CDAN1: variants seen among roughly 807,000 people sequenced by gnomAD.
CDAN1 encodes codanin-1.
Under a neutral mutation model 139.8 loss-of-function variants are expected in CDAN1, and 107 were observed. The observed-to-expected ratio is 0.77, with a 90% CI of 0.65 to 0.90. The LOEUF is 0.90. Ranked by LOEUF, CDAN1 falls within the 40% of genes least tolerant of loss-of-function variation. The pLI is 0.00. For missense variants in CDAN1, 1,667 were observed against 1,575.7 expected, an observed-to-expected ratio of 1.06 and a Z score of -0.98; for synonymous variants, 776 against 660.6, an observed-to-expected ratio of 1.17 and a Z score of -2.68.
intron 11 of CDAN1, 116 bp downstream of exon 11, chr15:42,731,504 G>T: frequency 7.1e-7 from 1 of 1,398,888 alleles, no homozygotes; most frequent in Non-Finnish European, 1.0e-6. Context: ...CCAGCAAGTT[G>T]GAGCTGGAAG....
At chr15:42,736,846 G>C (rs932933088) in intron 1 of CDAN1, 66 bp from the exon 2 acceptor site, 2 of 1,449,614 alleles carry the variant, frequency 1.4e-6, no homozygotes, top group African/African-American at 1.5e-5. Flanking sequence ...GTGAGCAGCC[G>C]GGGCCGTAGG....
intron 9 of CDAN1, among the ~76,000 whole-genome samples, chr15:42,732,785 G>A (rs2061631215): frequency 1.3e-5 from 2 of 149,482 alleles, no homozygotes; most frequent in Admixed American, 6.6e-5. Context: ...AGAAGATGGA[G>A]GCTGGATGTG....
chr15:42,729,447 C>G, intron 17 of CDAN1, 85 bp from the exon 18 acceptor site: 2 of 1,602,398 alleles, frequency 1.2e-6, no homozygotes, highest in Non-Finnish European at 8.6e-7. Context: ...AGTCAAGAGG[C>G]TCAGATACCC....
In CDAN1 at chr15:42,736,302, C is replaced by T; in HGVS notation, c.569G>A (p.Gly190Glu). The change falls in exon 2 of 28, where the codon GGG (glycine) becomes GAG (glutamate). Residue 190 changes from glycine (G) to glutamate (E), a missense_variant and splice_region_variant. Gly to Glu is a moderately conservative substitution (Grantham distance 98). This residue lies in a region of CDAN1 where 487 missense variants were observed against 422.2 expected (regional missense o/e 1.15). Transcript: ENST00000356231. ...CTCCTGCATGAGAGCTGAGTCTCAC[C>T]CTGTAGGGCCGGGGGGAACCGAGCC... ...PVGSVPPGPT[G>E]TKPSRRINPT... The T allele has an allele frequency of 6.2e-7, 1 of 1,613,596 alleles. No individual in the cohort carries two copies. The highest frequency in any genetic ancestry group is 8.5e-7 in the Non-Finnish European group (1 of 1,179,950).
At chr15:42,728,918 T>G in intron 19 of CDAN1, 105 bp downstream of exon 19, 1 of 1,582,112 alleles carries the variant, frequency 6.3e-7, no homozygotes, top group Non-Finnish European at 8.7e-7. Context: ...GTCAGCCATT[T>G]CAGCCCCACA....
At chr15:42,730,311 T>A (rs1351549894) in intron 14 of CDAN1, 96 bp from the exon 15 acceptor site, 3 of 1,176,252 alleles carry the variant, frequency 2.6e-6, no homozygotes, top group Non-Finnish European at 2.5e-6. Context: ...AAAGCAGAAC[T>A]AAAAGGGACT....
At chr15:42,730,022 T>C in intron 15 of CDAN1, 106 bp downstream of exon 15, 2 of 1,286,558 alleles carry the variant, frequency 1.6e-6, no homozygotes, top group Non-Finnish European at 2.2e-6. Context: ...AGGCCTTTCC[T>C]GAACCTTCGT....
intron 27 of CDAN1, chr15:42,724,891 C>G: frequency 1.6e-6 from 1 of 610,454 alleles, no homozygotes; most frequent in Non-Finnish European, 2.9e-6. Context: ...CCGTTAAAAT[C>G]CAGGTTATTC....
intron 23 of CDAN1, 120 bp from the exon 24 acceptor site, chr15:42,726,537 G>A: frequency 1.3e-6 from 1 of 767,956 alleles, no homozygotes; most frequent in Non-Finnish European, 2.2e-6. Context: ...GGGATATGGT[G>A]AGTAAAGCCA....
chr15:42,736,055 T>G lies in CDAN1; in HGVS notation c.593A>C (p.Asn198Thr), dbSNP rs1386666828. 1.2e-6 allele frequency: 2 copies of G among 1,614,006 alleles called. No homozygotes were observed. Among genetic ancestry groups the G allele is most frequent in the African/African-American group, 2.7e-5 (2 of 74,892 alleles). The change falls in exon 3 of 28, where the codon AAC becomes ACC. Residue 198 changes from asparagine to threonine, a missense_variant. Coordinates refer to ENST00000356231, the MANE Select transcript of CDAN1 (RefSeq NM_138477.4). ...PTGTKPSRRI[N>T]PTPVSEERSL... is the part of the protein sequence containing the mutation. ...CCGCTCTTCGCTCACCGGAGTTGGG[T>G]TGATCCTGCGAGAAGGCTTCGTCCT...
intron 11 of CDAN1, 134 bp downstream of exon 11, chr15:42,731,486 C>T: frequency 7.1e-7 from 1 of 1,399,420 alleles, no homozygotes; most frequent in Non-Finnish European, 1.0e-6. Context: ...ATGAGAAGTG[C>T]AATGAAGCCA....
chr15:42,727,442 C>A (rs1232971455), intron 23 of CDAN1, among the ~76,000 whole-genome samples, 179 bp downstream of exon 23: 2 of 152,206 alleles, frequency 1.3e-5, no homozygotes, highest in African/African-American at 4.8e-5. Context: ...TTAGGAAAAC[C>A]ATTCAATTCA....
chr15:42,736,917 G>C (rs1002844968), intron 1 of CDAN1, 96 bp downstream of exon 1: 10 of 1,474,924 alleles, frequency 6.8e-6, no homozygotes, highest in Admixed American at 4.4e-5. Context: ...CGGCCCGGCT[G>C]GCAGCCAGGC....
chr15:42,734,157 T>A, intron 7 of CDAN1, 69 bp downstream of exon 7: 1 of 1,611,976 alleles, frequency 6.2e-7, no homozygotes, highest in Non-Finnish European at 8.5e-7. Context: ...GTCAGCAGGG[T>A]TGCCTGAATT....
At position 42,735,384 on chromosome 15, in the gene CDAN1, T is replaced by TA; in HGVS notation, c.944-11dup. ...TTTGGTACCAGGTTCTCTAGATAGA[T>TA]ACAAAAAGAAAGCCCATGGTATGGG... On this transcript the variant is annotated splice_polypyrimidine_tract_variant and intron_variant, in intron 4 of 27. Coordinates refer to ENST00000356231, the MANE Select transcript of CDAN1 (RefSeq NM_138477.4). The TA allele has an allele frequency of 6.3e-7, 1 of 1,598,398 alleles. No homozygotes were observed. Among genetic ancestry groups the TA allele is most frequent in the Non-Finnish European group, 8.5e-7 (1 of 1,171,332 alleles).
At chr15:42,727,542 T>C in intron 23 of CDAN1, 79 bp downstream of exon 23, 3 of 1,320,620 alleles carry the variant, frequency 2.3e-6, no homozygotes, top group Non-Finnish European at 3.1e-6. Context: ...ATCCTGGAGC[T>C]GATGTGAGAA....
rs764206484 is a variant in CDAN1, at chr15:42,730,730, T to C, written c.2042A>G (p.Gln681Arg). The C allele has an allele frequency of 1.2e-6, 2 of 1,612,734 alleles. No individual in the cohort carries two copies. The highest frequency in any genetic ancestry group is 1.7e-6 in the Non-Finnish European group (2 of 1,179,400). ...CGCCCGGCGGGCCTGCAGCCCTCGCTGCAGCAGAGTCCGCACATCCAGGAC... is the reference window on the plus strand; with the variant it reads ...CGCCCGGCGGGCCTGCAGCCCTCGCCGCAGCAGAGTCCGCACATCCAGGAC... ...PPVLDVRTLL[Q>R]RGLQARRAVL... Residue 681 changes from glutamine to arginine, a missense_variant, in exon 14 of 28, where the codon CAG becomes CGG. Physicochemically the swap from Gln to Arg is conservative, Grantham distance 43. Coordinates refer to ENST00000356231, the MANE Select transcript of CDAN1 (RefSeq NM_138477.4).
At position 42,728,643 on chromosome 15, in the gene CDAN1, G is replaced by A. The variant is rs750563812; in HGVS notation, c.2804+9C>T. The stretch of plus-strand genomic sequence containing the variant: ...AGGAGAGTGGATCAAATGGACCAGC[G>A]CTGCTTACTCCCGCCCCAGGGCCAA... On this transcript the variant is annotated intron_variant, in intron 20 of 27. Transcript: ENST00000356231. The A allele has an allele frequency of 1.3e-5, 21 of 1,613,484 alleles. No homozygotes were observed. The highest frequency in any genetic ancestry group is 2.7e-5 in the African/African-American group (2 of 74,886).
chr15:42,731,308 A>C lies in CDAN1; in HGVS notation c.1763T>G (p.Met588Arg). 6.2e-7 allele frequency: 1 copy of C among 1,614,086 alleles called. No homozygotes were observed. The highest frequency in any genetic ancestry group is 1.3e-5 in the African/African-American group (1 of 75,038). ...CTGGATCTTCAAGCTCAGACTGTCC[A>C]TGAGATGCTGGTTAAACTGGAAGCT... Reference protein sequence around the residue: ...ASSFQFNQHLMDSLSLKIQEL... With the variant: ...ASSFQFNQHLRDSLSLKIQEL... Residue 588 changes from methionine (M) to arginine (R), a missense_variant, in exon 12 of 28, where the codon ATG becomes AGG. By Grantham distance (91) the Met-to-Arg change is moderately conservative (BLOSUM62 -1). Coordinates refer to ENST00000356231, the MANE Select transcript of CDAN1 (RefSeq NM_138477.4).
Sources: gnomAD v4.1 joint callset for allele counts (sites outside exome capture counted in the v4.1 genomes callset) on GRCh38, gnomAD v4.1.1 for gene constraint, gnomAD v4.1.1 regional missense constraint, MANE v1.5 for transcripts, NCBI Gene and HGNC (gene_info 2026-07-23, HGNC 2026-07-21) for gene names.